SLC28A3: variants seen among roughly 807,000 people sequenced by gnomAD.
The protein encoded by SLC28A3 is solute carrier family 28 member 3, also known as concentrative Na(+)-nucleoside cotransporter 3.
SLC28A3 carries 68 observed loss-of-function variants against 84.2 expected under a neutral mutation model. The ratio of observed to expected loss-of-function variants is 0.81; its 90% CI spans 0.66 to 0.99. SLC28A3 has a LOEUF of 0.99. Ranked by LOEUF, SLC28A3 falls within the 50% of genes least tolerant of loss-of-function variation. The pLI is 0.00. For missense variants in SLC28A3, 712 were observed against 841.5 expected (o/e 0.85, Z 1.90); for synonymous variants, 267 against 303.6 (o/e 0.88, Z 1.25).
At chr9:84,336,930 C>T (rs1227044745) in intron 1 of SLC28A3, among the ~76,000 whole-genome samples, 3 of 152,168 alleles carry the variant, frequency 2.0e-5, no homozygotes, top group Non-Finnish European at 4.4e-5. Flanking sequence ...TAATCAAATT[C>T]TCCCTCCTTT....
At chr9:84,319,434 G>A (rs1056143028) in intron 1 of SLC28A3, among the ~76,000 whole-genome samples, 12 of 152,172 alleles carry the variant, frequency 7.9e-5, no homozygotes, top group Non-Finnish European at 1.6e-4. Flanking sequence ...GGGGGCTGAG[G>A]CAGACGGGTC....
At chr9:84,362,787 T>A in the SLC28A3 span, among the ~76,000 whole-genome samples, 1 of 152,116 alleles carries the variant, frequency 6.6e-6, no homozygotes, top group Non-Finnish European at 1.5e-5. Flanking sequence ...CTCAGAATGA[T>A]GCTTTTAAGT....
At chr9:84,333,660 AATG>A (rs1361340199) in intron 1 of SLC28A3, among the ~76,000 whole-genome samples, 2 of 152,196 alleles carry the variant, frequency 1.3e-5, no homozygotes, top group Admixed American at 6.5e-5. Context: ...TCAGCTGAAT[AATG>A]ATGAGAAATG....
At chr9:84,358,501 T>G in the SLC28A3 span, among the ~76,000 whole-genome samples, 1 of 152,154 alleles carries the variant, frequency 6.6e-6, no homozygotes, top group Non-Finnish European at 1.5e-5. Flanking sequence ...GGTTGGCCAC[T>G]CTGAGATTCC....
chr9:84,324,108 T>C (rs953601295), intron 1 of SLC28A3, among the ~76,000 whole-genome samples: 6 of 152,224 alleles, frequency 3.9e-5, no homozygotes, highest in African/African-American at 1.4e-4. Flanking sequence ...AACATGTCAC[T>C]GTGGGCACCT....
At chr9:84,304,459 AAC>A (rs1254493200) in intron 4 of SLC28A3, among the ~76,000 whole-genome samples, 6 of 123,100 alleles carry the variant, frequency 4.9e-5, no homozygotes, top group African/African-American at 2.7e-4. Context: ...ATAACAGTAC[AAC>A]AAAAAAAAAA....
intron 1 of SLC28A3, among the ~76,000 whole-genome samples, chr9:84,319,250 C>CTA: frequency 6.6e-6 from 1 of 152,324 alleles, no homozygotes; most frequent in East Asian, 1.9e-4. Context: ...CTTTATTTAT[C>CTA]TATGACATTA....
At chr9:84,279,129 C>A in intron 17 of SLC28A3, 136 bp downstream of exon 17, 1 of 724,258 alleles carries the variant, frequency 1.4e-6, no homozygotes, top group Non-Finnish European at 2.0e-6. Flanking sequence ...GCGGAGATTG[C>A]GCCACTGCAC....
At chr9:84,278,381 T>G (rs1334325530) in intron 17 of SLC28A3, 37 bp from the exon 18 acceptor site, 2 of 1,612,034 alleles carry the variant, frequency 1.2e-6, no homozygotes, top group African/African-American at 2.7e-5. Context: ...ACATGAGCCA[T>G]AGATGGCAGA....
chr9:84,280,501 C>T (rs1457604117), intron 15 of SLC28A3, among the ~76,000 whole-genome samples: 1 of 152,174 alleles, frequency 6.6e-6, no homozygotes, highest in Non-Finnish European at 1.5e-5. Context: ...CAATGGCTCT[C>T]AGAATCCTTC....
Position 84,302,284 on chromosome 9 carries a change from A to G in SLC28A3, c.440T>C (p.Leu147Pro), listed in dbSNP as rs756088103. ...AAIFFVVWDH[L>P]MAKYEHRIDE... The stretch of plus-strand genomic sequence containing the variant: ...AATTCGATGTTCGTATTTGGCCATC[A>G]GGTGATCCCAGACAACAAAGAAGAT... The change falls in exon 5 of 18, where the codon CTG (leucine) becomes CCG (proline). Residue 147 changes from leucine to proline, a missense_variant. By Grantham distance (98) the Leu-to-Pro change is moderately conservative. Coordinates refer to ENST00000376238, the MANE Select transcript of SLC28A3 (RefSeq NM_001199633.2). 2.4e-5 allele frequency: 38 copies of G among 1,614,086 alleles called. No homozygotes were observed. Among genetic ancestry groups the G allele is most frequent in the Non-Finnish European group, 3.0e-5 (35 of 1,180,032 alleles).
chr9:84,354,536 C>T, the SLC28A3 span, among the ~76,000 whole-genome samples: 2 of 152,216 alleles, frequency 1.3e-5, no homozygotes, highest in African/African-American at 2.4e-5. Context: ...ATTCATGAGT[C>T]TATAATGATA....
chr9:84,290,267 G>A lies in SLC28A3; in HGVS notation c.1036C>T (p.Leu346=). 1 of 1,613,956 alleles carries A rather than the reference G, an allele frequency of 6.2e-7. No homozygotes were observed. Among genetic ancestry groups the A allele is most frequent in the South Asian group, 1.1e-5 (1 of 91,072 alleles). Residue 346 remains leucine, a synonymous_variant, in exon 11 of 18, where the codon CTG becomes TTG. Coordinates refer to ENST00000376238, the MANE Select transcript of SLC28A3 (RefSeq NM_001199633.2). ...TAAGGTAAATATGGTCGGACCAGCA[G>A]TGGAGACTCCGTCTGGAGACAAAGA... is the stretch of plus-strand genomic sequence containing the variant. ...NIFVGQTESP[L]LVRPYLPYIT...
the SLC28A3 span, among the ~76,000 whole-genome samples, chr9:84,367,408 C>G: frequency 1.3e-5 from 2 of 152,168 alleles, no homozygotes; most frequent in Admixed American, 1.3e-4. Flanking sequence ...GTATCTGAAG[C>G]TAGCAAGTTT....
At chr9:84,322,910 T>A (rs1437528209) in intron 1 of SLC28A3, among the ~76,000 whole-genome samples, 1 of 152,124 alleles carries the variant, frequency 6.6e-6, no homozygotes, top group African/African-American at 2.4e-5. Context: ...AGGAAATAGA[T>A]CAGAATGACT....
intron 1 of SLC28A3, among the ~76,000 whole-genome samples, chr9:84,328,859 T>C (rs1826673624): frequency 6.6e-6 from 1 of 151,922 alleles, no homozygotes; most frequent in Non-Finnish European, 1.5e-5. Flanking sequence ...GCTCCAGAGG[T>C]TGAGGGTTCA....
the SLC28A3 span, among the ~76,000 whole-genome samples, chr9:84,360,799 C>T: frequency 6.6e-6 from 1 of 152,036 alleles, no homozygotes; most frequent in African/African-American, 2.4e-5. Context: ...CACCTGTAGT[C>T]TTGCTAATCA....
Position 84,328,399 on chromosome 9 carries a change from G to A in SLC28A3, c.60+12175C>T, listed in dbSNP as rs1360493618. ...TGCCTGTAATCCCAGCACTTTGGGAGACCACAGTGGGCAAATTGCTTGATC... is the reference window on the plus strand; with the variant it reads ...TGCCTGTAATCCCAGCACTTTGGGAAACCACAGTGGGCAAATTGCTTGATC... On this transcript the variant is annotated intron_variant, in intron 1 of 17. Coordinates refer to ENST00000376238, the MANE Select transcript of SLC28A3 (RefSeq NM_001199633.2). Among the ~76,000 whole-genome samples, 4 of 151,720 alleles carry A rather than the reference G, an allele frequency of 2.6e-5. No homozygotes were observed. The East Asian group carries it at 5.8e-4, about 22-fold the overall frequency.
In SLC28A3 at chr9:84,297,972, A is replaced by G. The variant is rs1205808700; in HGVS notation, c.717T>C (p.Leu239=). ...GGTCAGTCCTTAGAATCAAGAGCCC[A>G]AGAAGAAACTGTAGCCCGATTCCCC... ...VLWGIGLQFL[L]GLLILRTDPG... is the part of the protein sequence containing the mutation. The change falls in exon 7 of 18, where the codon CTT becomes CTC. Residue 239 remains leucine, a synonymous_variant. Coordinates refer to ENST00000376238, the MANE Select transcript of SLC28A3 (RefSeq NM_001199633.2). 1.2e-6 allele frequency: 2 copies of G among 1,612,812 alleles called. No homozygotes were observed. Among genetic ancestry groups the G allele is most frequent in the African/African-American group, 2.7e-5 (2 of 74,826 alleles).
Sources: gnomAD v4.1 joint callset for allele counts (sites outside exome capture counted in the v4.1 genomes callset) on GRCh38, gnomAD v4.1.1 for gene constraint, MANE v1.5 for transcripts, NCBI Gene and HGNC (gene_info 2026-07-23, HGNC 2026-07-21) for gene names.